The following ANKUB1 variants were observed in gnomAD, a reference collection of about 807,000 sequenced individuals.
ANKUB1 encodes protein ANKUB1.
ANKUB1 carries 42 observed loss-of-function variants against 49.3 expected under a neutral mutation model. The observed-to-expected ratio is 0.85, with a 90% confidence interval of 0.67 to 1.10. The LOEUF is 1.10. ANKUB1 is among the 50% of genes least tolerant of loss of function. The pLI, the probability that ANKUB1 is intolerant of heterozygous loss-of-function variation, is 0.00. For synonymous variants in ANKUB1, 222 were observed against 231.0 expected (o/e 0.96, Z 0.35); for missense variants, 613 against 642.0 (o/e 0.95, Z 0.49).
intron 2 of ANKUB1, among the ~76,000 whole-genome samples, chr3:149,785,368 G>T (rs772644190): frequency 6.6e-6 from 1 of 151,914 alleles, no homozygotes; most frequent in Non-Finnish European, 1.5e-5. Flanking sequence ...CCATTAACTC[G>T]TCATTTACAT....
At chr3:149,766,372 A>G (rs1243887410) in intron 5 of ANKUB1, among the ~76,000 whole-genome samples, 1 of 152,096 alleles carries the variant, frequency 6.6e-6, no homozygotes, top group Non-Finnish European at 1.5e-5. Context: ...ATTACCATTT[A>G]GTTTTCTATG....
chr3:149,787,718 A>G (rs1203522430), intron 2 of ANKUB1, among the ~76,000 whole-genome samples: 1 of 152,214 alleles, frequency 6.6e-6, no homozygotes, highest in Non-Finnish European at 1.5e-5. Flanking sequence ...AAAGCGTAAT[A>G]TACAGGGAAG....
intron 2 of ANKUB1, among the ~76,000 whole-genome samples, chr3:149,786,340 A>G (rs1718099559): frequency 3.3e-5 from 5 of 152,144 alleles, no homozygotes; most frequent in Middle Eastern, 6.3e-3. Context: ...CAGCCTGATG[A>G]GCATTTTTTC....
intron 5 of ANKUB1, chr3:149,764,025 A>G (rs1184896339): frequency 6.6e-6 from 3 of 455,978 alleles, no homozygotes; most frequent in Non-Finnish European, 1.3e-5. Flanking sequence ...CACTTTACCC[A>G]CCTGATCCCT....
chr3:149,772,564 G>C (rs1415386474), intron 3 of ANKUB1, among the ~76,000 whole-genome samples: 2 of 152,156 alleles, frequency 1.3e-5, no homozygotes, highest in Non-Finnish European at 2.9e-5. Flanking sequence ...CCTCCCATCA[G>C]TTTACTGCAT....
intron 2 of ANKUB1, among the ~76,000 whole-genome samples, chr3:149,786,200 TAA>T: frequency 6.6e-6 from 1 of 152,262 alleles, no homozygotes; most frequent in African/African-American, 2.4e-5. Flanking sequence ...CGCGCCCGGC[TAA>T]TTTTTTGTAC....
rs78412645 is a variant in ANKUB1 at position 149,781,747 on chromosome 3, G to A, written c.235-1292C>T. 9.0e-3 allele frequency among the ~76,000 whole-genome samples: 1,366 copies of A among 152,282 alleles called. 8 individuals carry two copies. Among genetic ancestry groups the A allele is most frequent in the Middle Eastern group, 0.031 (9 of 294 alleles). The stretch of plus-strand genomic sequence containing the variant: ...AGACCTTTTTCAAAAAGCCTTTGAG[G>A]AGTGATGTTACTGATGAAATTTAAG... On this transcript the variant is annotated intron_variant, in intron 2 of 5. Coordinates refer to ENST00000446160, the MANE Select transcript of ANKUB1 (RefSeq NM_001144960.3).
intron 5 of ANKUB1, 105 bp from the exon 6 acceptor site, chr3:149,761,718 T>C: frequency 7.7e-7 from 1 of 1,303,648 alleles, no homozygotes; most frequent in Non-Finnish European, 1.0e-6. Flanking sequence ...TAGGGCTAGT[T>C]TGTCTTGTCA....
At position 149,767,611 on chromosome 3, in the gene ANKUB1, C is replaced by T. The variant is rs1237102055; in HGVS notation, c.1051G>A (p.Gly351Ser). ...AKVGDTVMVD[G>S]FTKPKMTSKS... is the part of the protein sequence containing the mutation. ...GAGGTCATTTTTGGTTTGGTGAAAC[C>T]ATCCACCATCACAGTGTCTCCAACT... is the stretch of plus-strand genomic sequence containing the variant. The change falls in exon 5 of 6, where the codon GGT becomes AGT. Residue 351 changes from glycine (G) to serine (S), a missense_variant. By Grantham distance (56) the Gly-to-Ser change is moderately conservative. Coordinates refer to ENST00000446160, the MANE Select transcript of ANKUB1 (RefSeq NM_001144960.3). 2 of 1,551,688 alleles carry T rather than the reference C, an allele frequency of 1.3e-6. No homozygotes were observed. Among genetic ancestry groups the T allele is most frequent in the Non-Finnish European group, 1.7e-6 (2 of 1,146,994 alleles).
At chr3:149,788,705 C>A (rs1718222791) in intron 2 of ANKUB1, among the ~76,000 whole-genome samples, 1 of 152,104 alleles carries the variant, frequency 6.6e-6, no homozygotes, top group Admixed American at 6.6e-5. Flanking sequence ...GTAAGTAAAA[C>A]TGTGAACATA....
In ANKUB1 at chr3:149,790,850, A is replaced by G; in HGVS notation, c.165T>C (p.Ala55=). The G allele has an allele frequency of 1.3e-6, 2 of 1,552,190 alleles. No individual in the cohort carries two copies. Among genetic ancestry groups the G allele is most frequent in the South Asian group, 2.4e-5 (2 of 84,058 alleles). The change falls in exon 2 of 6, where the codon GCT becomes GCC. Residue 55 remains alanine, a synonymous_variant. Transcript: ENST00000446160. ...CAGCAAGACTCCAACTGTCCTTTAG[A>G]GCAGCTCCAGCATACATTAACTCCA... ...RYLELMYAGA[A]LKDSWSLADV... is the part of the protein sequence containing the mutation.
chr3:149,789,378 A>T (rs1257165978), intron 2 of ANKUB1, among the ~76,000 whole-genome samples: 1 of 152,138 alleles, frequency 6.6e-6, no homozygotes, highest in Non-Finnish European at 1.5e-5. Context: ...TAGAGAGTTG[A>T]TCCTGTACGG....
chr3:149,778,456 A>G (rs1717703350), intron 3 of ANKUB1: 1 of 152,198 alleles, frequency 6.6e-6, no homozygotes, highest in Admixed American at 6.5e-5. Flanking sequence ...CTTCCAGCTT[A>G]AAACGTCACA....
At chr3:149,789,532 A>C (rs1193307392) in intron 2 of ANKUB1, among the ~76,000 whole-genome samples, 1 of 152,152 alleles carries the variant, frequency 6.6e-6, no homozygotes, top group East Asian at 1.9e-4. Context: ...TTAAAAACGT[A>C]TGTAAATATG....
rs1312338738 is a variant in ANKUB1, at chr3:149,792,355, G to GA, written c.11dup (p.Ile5HisfsTer4). The GA allele has an allele frequency of 1.3e-6, 2 of 1,512,178 alleles. No homozygotes were observed. The highest frequency in any genetic ancestry group is 1.8e-6 in the Non-Finnish European group (2 of 1,126,460). The allele number at this position is 1,512,178 out of a possible 1,614,324, so 93.7% of individuals were successfully genotyped here. A position where few individuals can be genotyped will look rare whatever the true frequency, so the allele number is the denominator to read the frequency against. ...GTTCAAAAGATCCTTCAAAGGCGAT[G>GA]AAAATCCTCATTGTACAATTACCTT... On this transcript the variant is annotated frameshift_variant, in exon 1 of 6. Transcript: ENST00000446160. LOFTEE classifies it high-confidence loss of function.
At chr3:149,787,511 G>T (rs987775753) in intron 2 of ANKUB1, among the ~76,000 whole-genome samples, 1 of 152,166 alleles carries the variant, frequency 6.6e-6, no homozygotes, top group Non-Finnish European at 1.5e-5. Context: ...CATGTCATCT[G>T]CAAACAGGGA....
intron 4 of ANKUB1, 85 bp downstream of exon 4, chr3:149,770,475 G>T: frequency 1.1e-6 from 1 of 942,736 alleles, no homozygotes; most frequent in Non-Finnish European, 1.7e-6. Context: ...GCTGTAGAGT[G>T]AGTGAATTGC....
chr3:149,764,523 G>A (rs1277927755), intron 5 of ANKUB1, among the ~76,000 whole-genome samples: 1 of 92,958 alleles, frequency 1.1e-5, no homozygotes, highest in East Asian at 3.2e-4. Flanking sequence ...TCCCCCTATG[G>A]GTCTCCCTTC....
chr3:149,764,597 TTCCTCCC>T (rs1716922737), intron 5 of ANKUB1, among the ~76,000 whole-genome samples: 9 of 121,046 alleles, frequency 7.4e-5, no homozygotes, highest in East Asian at 5.9e-4. Context: ...CCTCCCTTCC[TTCCTCCC>T]TCCCTCCCTC....
Sources: allele counts gnomAD v4.1 joint callset (sites outside exome capture counted in the v4.1 genomes callset), GRCh38; gene constraint gnomAD v4.1.1; transcripts MANE v1.5; gene names NCBI Gene and HGNC (gene_info 2026-07-23, HGNC 2026-07-21).